The following TRIM51G variants were observed in gnomAD, a reference collection of about 807,000 sequenced individuals.
TRIM51G encodes tripartite motif-containing protein 51G.
the TRIM51G span, chr11:48,981,833 C>T: frequency 5.1e-6 from 5 of 984,314 alleles, no homozygotes; most frequent in East Asian, 1.2e-4. Context: ...TCCTCTGTAA[C>T]AAAAATGAAA....
the TRIM51G span, among the ~76,000 whole-genome samples, chr11:48,979,802 C>CATAT: frequency 0.021 from 3,144 of 147,532 alleles, 115 homozygotes; most frequent in African/African-American, 0.074. Context: ...CATATATATC[C>CATAT]ATATATATAT....
chr11:48,982,029 C>G, the TRIM51G span, among the ~76,000 whole-genome samples: 1 of 152,066 alleles, frequency 6.6e-6, no homozygotes, highest in Non-Finnish European at 1.5e-5. Context: ...CATGCTTGTC[C>G]CTATTTCTCT....
At chr11:48,977,918 A>G in the TRIM51G span, among the ~76,000 whole-genome samples, 1 of 150,800 alleles carries the variant, frequency 6.6e-6, no homozygotes, top group African/African-American at 2.4e-5. Context: ...TTATTTATTT[A>G]TTTATTTATT....
the TRIM51G span, among the ~76,000 whole-genome samples, chr11:48,976,677 T>A: frequency 6.6e-5 from 10 of 152,154 alleles, no homozygotes; most frequent in Non-Finnish European, 1.5e-4. Flanking sequence ...AAGAAAATAC[T>A]AATACTCCAA....
chr11:48,981,334 T>G, the TRIM51G span: 3 of 1,606,870 alleles, frequency 1.9e-6, no homozygotes. Flanking sequence ...GTGATTCCGG[T>G]GCTCCTGAGA....
At chr11:48,981,818 C>T in the TRIM51G span, 47 of 1,045,360 alleles carry the variant, frequency 4.5e-5, no homozygotes, top group Non-Finnish European at 6.4e-5. Flanking sequence ...GCGGAACAAA[C>T]TATTTCCTCT....
the TRIM51G span, among the ~76,000 whole-genome samples, chr11:48,978,345 T>C: frequency 2.0e-5 from 3 of 152,130 alleles, no homozygotes; most frequent in Non-Finnish European, 4.4e-5. Flanking sequence ...TATGTCCTGA[T>C]AAAGTCTAAG....
the TRIM51G span, chr11:48,975,644 G>C: frequency 1.4e-6 from 2 of 1,420,040 alleles, no homozygotes; most frequent in Non-Finnish European, 2.0e-6. Flanking sequence ...GTGTCTGTAG[G>C]TCTTGGAACA....
the TRIM51G span, chr11:48,975,962 G>A: frequency 2.8e-6 from 2 of 715,158 alleles, no homozygotes; most frequent in African/African-American, 1.7e-5. Context: ...AGGAAGATAT[G>A]ACTACTGGCT....
At chr11:48,977,455 C>A in the TRIM51G span, among the ~76,000 whole-genome samples, 14 of 152,206 alleles carry the variant, frequency 9.2e-5, 1 homozygote, top group Non-Finnish European at 2.1e-4. Context: ...GGAGAATATT[C>A]AAAAATGAAA....
the TRIM51G span, chr11:48,979,121 A>C: frequency 3.1e-3 from 2,337 of 745,514 alleles, 37 homozygotes; most frequent in African/African-American, 0.034. Context: ...ACAATTAGTC[A>C]AAATAGAAAT....
At chr11:48,982,986 TAGTTATGTAC>T in the TRIM51G span, among the ~76,000 whole-genome samples, 1 of 108,466 alleles carries the variant, frequency 9.2e-6, no homozygotes, top group East Asian at 3.4e-4. Flanking sequence ...TATATATATA[TAGTTATGTAC>T]ACATCCTATG....
At chr11:48,982,956 C>CATAT in the TRIM51G span, among the ~76,000 whole-genome samples, 11 of 33,058 alleles carry the variant, frequency 3.3e-4, no homozygotes, top group African/African-American at 1.0e-3. Context: ...GGTATATATA[C>CATAT]ATATATATAT....
the TRIM51G span, chr11:48,978,951 T>G: frequency 0.062 from 97,964 of 1,587,820 alleles, 3,265 homozygotes; most frequent in East Asian, 0.093. Context: ...CCTGGAATGT[T>G]CCATTCTGGC....
the TRIM51G span, chr11:48,981,316 C>T: frequency 6.2e-7 from 1 of 1,606,478 alleles, no homozygotes; most frequent in African/African-American, 1.3e-5. Context: ...CTCAGTGGGA[C>T]AGTGTCTGTG....
the TRIM51G span, chr11:48,975,581 C>A: frequency 1.5e-6 from 2 of 1,378,310 alleles, no homozygotes; most frequent in African/African-American, 2.9e-5. Context: ...GAACTTCTAT[C>A]CACATCAACA....
the TRIM51G span, chr11:48,981,010 G>C: frequency 8.3e-5 from 50 of 599,658 alleles, no homozygotes; most frequent in South Asian, 7.0e-4. Flanking sequence ...TCCTGCAAAA[G>C]AGCCATGAAT....
the TRIM51G span, chr11:48,977,213 A>T: frequency 6.2e-6 from 6 of 961,934 alleles, no homozygotes; most frequent in South Asian, 7.8e-5. Flanking sequence ...TTACCATATC[A>T]ACAGCCAAAA....
chr11:48,978,512 A>G, the TRIM51G span, among the ~76,000 whole-genome samples: 1 of 152,152 alleles, frequency 6.6e-6, no homozygotes, highest in Non-Finnish European at 1.5e-5. Context: ...AGATTCCCCA[A>G]CTTCTCCATC....
Sources: allele counts gnomAD v4.1 joint callset (sites outside exome capture counted in the v4.1 genomes callset), GRCh38; gene constraint gnomAD v4.1.1; transcripts MANE v1.5; gene names NCBI Gene and HGNC (gene_info 2026-07-23, HGNC 2026-07-21).